The following TLN2 variants were observed in gnomAD, a reference collection of about 807,000 sequenced individuals.
TLN2 encodes the protein talin 2.
Under a neutral mutation model 294.7 loss-of-function variants are expected in TLN2, and 118 were observed. The observed-to-expected ratio is 0.40, with a 90% CI of 0.34 to 0.47. The LOEUF is 0.47. Among genes scored for constraint, TLN2 ranks in the 20% least tolerant of loss-of-function variants. The pLI is 0.84. For missense variants in TLN2, 3,083 were observed against 3,282.2 expected (o/e 0.94, Z 1.48); for synonymous variants, 1,431 against 1,304.5 (o/e 1.10, Z -2.09).
chr15:62,406,452 C>T (rs182487331), intron 1 of TLN2, among the ~76,000 whole-genome samples: 10 of 152,290 alleles, frequency 6.6e-5, no homozygotes, highest in South Asian at 4.2e-4. Flanking sequence ...TTTGGCAGTG[C>T]AACAGCTCTG....
Position 62,776,781 on chromosome 15 carries a change from C to A in TLN2, c.5385C>A (p.Asp1795Glu). The A allele has an allele frequency of 6.3e-7, 1 of 1,584,220 alleles. No homozygotes were observed. Among genetic ancestry groups the A allele is most frequent in the Non-Finnish European group, 8.6e-7 (1 of 1,163,302 alleles). The change falls in exon 43 of 59, where the codon GAC (aspartate) becomes GAA (glutamate). Residue 1795 changes from aspartate to glutamate, a missense_variant. Asp to Glu is a conservative substitution (Grantham distance 45). Coordinates refer to ENST00000636159, the MANE Select transcript of TLN2 (RefSeq NM_015059.3). ...GGNPKAQHTH[D>E]AITEAAQLMK... ...CTTCTCAGGCACAACACACCCATGA[C>A]GCCATCACAGAGGCCGCCCAGTTGA...
At chr15:62,723,354 C>A (rs2140923006) in intron 26 of TLN2, among the ~76,000 whole-genome samples, 1 of 152,256 alleles carries the variant, frequency 6.6e-6, no homozygotes, top group African/African-American at 2.4e-5. Context: ...ATCCCTGGGC[C>A]TTGCCTCTGA....
At chr15:62,449,167 A>G (rs1244032893) in intron 1 of TLN2, among the ~76,000 whole-genome samples, 1 of 152,200 alleles carries the variant, frequency 6.6e-6, no homozygotes, top group East Asian at 1.9e-4. Flanking sequence ...TCGTCAACAG[A>G]AGCCCTGGCG....
intron 3 of TLN2, among the ~76,000 whole-genome samples, chr15:62,636,183 A>T (rs1436111818): frequency 6.6e-6 from 1 of 152,210 alleles, no homozygotes; most frequent in Non-Finnish European, 1.5e-5. Context: ...AAATTACAGC[A>T]AGGATTTACA....
intron 1 of TLN2, among the ~76,000 whole-genome samples, chr15:62,475,187 G>C (rs894905996): frequency 1.8e-4 from 28 of 152,178 alleles, no homozygotes; most frequent in African/African-American, 6.5e-4. Context: ...TATTTCCTAA[G>C]AGATATGGTA....
At chr15:62,433,216 C>T (rs981221005) in intron 1 of TLN2, among the ~76,000 whole-genome samples, 2 of 152,162 alleles carry the variant, frequency 1.3e-5, no homozygotes, top group Admixed American at 6.5e-5. Context: ...CAGAGGCTCT[C>T]ACCTATACCT....
At chr15:62,649,476 C>G (rs181274008) in intron 4 of TLN2, among the ~76,000 whole-genome samples, 1 of 152,234 alleles carries the variant, frequency 6.6e-6, no homozygotes, top group African/African-American at 2.4e-5. Context: ...CACCCCACCC[C>G]CTTCGTACTT....
intron 42 of TLN2, among the ~76,000 whole-genome samples, chr15:62,774,839 G>A (rs567014736): frequency 4.6e-5 from 7 of 151,874 alleles, no homozygotes; most frequent in African/African-American, 1.7e-4. Context: ...TGCACCCAAA[G>A]TTTGCTTCTG....
At chr15:62,450,345 T>C (rs2036033330) in intron 1 of TLN2, among the ~76,000 whole-genome samples, 1 of 152,158 alleles carries the variant, frequency 6.6e-6, no homozygotes, top group Non-Finnish European at 1.5e-5. Context: ...CGAGTCACCG[T>C]GTTTGTAGAA....
chr15:62,716,209 G>C, intron 22 of TLN2, 122 bp from the exon 23 acceptor site: 1 of 1,182,304 alleles, frequency 8.5e-7, no homozygotes, highest in Non-Finnish European at 1.1e-6. Flanking sequence ...TAAAGATATT[G>C]CTTGTGGCAT....
At chr15:62,650,283 T>A (rs2052440632) in intron 5 of TLN2, 102 bp downstream of exon 5, 2 of 1,197,850 alleles carry the variant, frequency 1.7e-6, no homozygotes, top group Admixed American at 4.1e-5. Context: ...GGGCATCTTA[T>A]TAATAGTTCG....
chr15:62,497,794 C>T (rs947234527), intron 1 of TLN2, among the ~76,000 whole-genome samples: 1 of 151,946 alleles, frequency 6.6e-6, no homozygotes, highest in South Asian at 2.1e-4. Context: ...GAATGATTTC[C>T]AGTGCTTGTC....
chr15:62,578,459 C>T (rs1567131632), intron 1 of TLN2, among the ~76,000 whole-genome samples: 1 of 151,992 alleles, frequency 6.6e-6, no homozygotes, highest in African/African-American at 2.4e-5. Flanking sequence ...CCCAGCTTCT[C>T]GGGAGGCTGA....
At chr15:62,560,851 C>T (rs912987823) in intron 1 of TLN2, among the ~76,000 whole-genome samples, 2 of 152,230 alleles carry the variant, frequency 1.3e-5, no homozygotes, top group African/African-American at 4.8e-5. Flanking sequence ...CCCCTTTCCA[C>T]TCATCGAGTG....
chr15:62,560,035 C>G (rs371645839), intron 1 of TLN2, among the ~76,000 whole-genome samples: 45 of 152,276 alleles, frequency 3.0e-4, no homozygotes, highest in African/African-American at 8.9e-4. Flanking sequence ...TATTAGATCC[C>G]TGGCCTGGAA....
At chr15:62,767,635 G>A (rs900289530) in intron 41 of TLN2, among the ~76,000 whole-genome samples, 6 of 152,176 alleles carry the variant, frequency 3.9e-5, no homozygotes, top group East Asian at 1.9e-4. Context: ...CACTGCGCCC[G>A]GCTGGCATAT....
At position 62,838,941 on chromosome 15, in the gene TLN2, A is replaced by G; in HGVS notation, c.7460A>G (p.Asp2487Gly). ...GCTTTTGGCAAAGCTGATGACGACGATGTTGTAGTGAAAACCAAGTTTGTG... is the reference window on the plus strand; with the variant it reads ...GCTTTTGGCAAAGCTGATGACGACGGTGTTGTAGTGAAAACCAAGTTTGTG... ...KAAFGKADDD[D>G]VVVKTKFVGG... Residue 2487 changes from aspartate to glycine, a missense_variant, in exon 58 of 59, where the codon GAT (aspartate) becomes GGT (glycine). Asp to Gly is a moderately conservative substitution (Grantham distance 94, BLOSUM62 -1). Transcript: ENST00000636159. 1 of 1,614,208 alleles carries G rather than the reference A, an allele frequency of 6.2e-7. No individual in the cohort carries two copies. Among genetic ancestry groups the G allele is most frequent in the East Asian group, 2.2e-5 (1 of 44,890 alleles).
chr15:62,696,774 A>T (rs1242186315), intron 14 of TLN2, among the ~76,000 whole-genome samples: 1 of 152,222 alleles, frequency 6.6e-6, no homozygotes, highest in South Asian at 2.1e-4. Context: ...CCCAATATTT[A>T]GTTGAAAGCA....
At chr15:62,638,736 A>T in intron 3 of TLN2, 1 of 411,506 alleles carries the variant, frequency 2.4e-6, no homozygotes, top group South Asian at 1.8e-5. Flanking sequence ...CACCCCATTC[A>T]TGCATTAAAT....
Sources: gnomAD v4.1 joint callset for allele counts (sites outside exome capture counted in the v4.1 genomes callset) on GRCh38, gnomAD v4.1.1 for gene constraint, MANE v1.5 for transcripts, NCBI Gene and HGNC (gene_info 2026-07-23, HGNC 2026-07-21) for gene names.